INO80D: variants seen among roughly 807,000 people sequenced by gnomAD.
INO80D encodes INO80 complex subunit D.
In INO80D, 21 loss-of-function variants were observed where a neutral mutation model predicts 87.6. The observed-to-expected ratio is 0.24, with a 90% CI of 0.17 to 0.35. The LOEUF (loss-of-function observed/expected upper bound fraction) is 0.35. Among genes scored for constraint, INO80D ranks in the 10% least tolerant of loss-of-function variants. INO80D has a pLI of 1.00. For missense variants in INO80D, 982 were observed against 1,280.7 expected (o/e 0.77, Z 3.56); for synonymous variants, 440 against 491.0 (o/e 0.90, Z 1.37).
chr2:206,013,584 A>C (rs1319352780), intron 8 of INO80D, among the ~76,000 whole-genome samples: 1 of 152,068 alleles, frequency 6.6e-6, no homozygotes, highest in East Asian at 1.9e-4. Context: ...TAGGAACCAA[A>C]AATTCATTCA....
chr2:206,062,909 A>G lies in INO80D; in HGVS notation c.108T>C (p.Cys36=). The G allele has an allele frequency of 6.2e-7, 1 of 1,613,360 alleles. No individual in the cohort carries two copies. Among genetic ancestry groups the G allele is most frequent in the Middle Eastern group, 1.7e-4 (1 of 6,058 alleles). ...KQRRLNGYAF[C]IRHVLEDKTA... ...TCTTGTCCTCCAGAACGTGTCTGAT[A>G]CAGAAGGCGTAGCCGTTGAGTCGCC... Residue 36 remains cysteine, a synonymous_variant, in exon 3 of 11, where the codon TGT becomes TGC. Transcript: ENST00000403263. The surrounding 1 kb of genome is among the most constrained non-coding windows in gnomAD (Gnocchi z 4.6).
chr2:206,009,397 A>T (rs1688110025), intron 9 of INO80D, among the ~76,000 whole-genome samples, 180 bp downstream of exon 9: 1 of 152,252 alleles, frequency 6.6e-6, no homozygotes, highest in African/African-American at 2.4e-5. Flanking sequence ...GCTTAATTTT[A>T]GATCAAATAC....
intron 8 of INO80D, among the ~76,000 whole-genome samples, chr2:206,010,251 AC>A (rs958640700): frequency 4.7e-4 from 71 of 151,808 alleles, no homozygotes; most frequent in African/African-American, 1.7e-3. Context: ...TTACTGAAGA[AC>A]CGACCACAAT....
chr2:205,999,750 T>C lies in INO80D; in HGVS notation c.*4618A>G, dbSNP rs1324611108. ...GCTTAACAGATATCCAAACATGTCC[T>C]TCACTGGTATTTTATTACAAATTAT... On this transcript the variant is annotated 3_prime_UTR_variant, in exon 11 of 11. Transcript: ENST00000403263. 6.6e-6 allele frequency: 1 copy of C among 152,226 alleles called. No individual in the cohort carries two copies. Among genetic ancestry groups the C allele is most frequent in the Non-Finnish European group, 1.5e-5 (1 of 68,040 alleles). 9.4% of individuals were successfully genotyped at this position (152,226 alleles called of 1,614,324 possible).
chr2:206,048,615 C>G (rs1689262437), intron 4 of INO80D, among the ~76,000 whole-genome samples: 1 of 152,148 alleles, frequency 6.6e-6, no homozygotes, highest in Non-Finnish European at 1.5e-5. Flanking sequence ...GTATCTTGGC[C>G]AGGTGCACCG....
chr2:206,017,836 T>C, intron 7 of INO80D, 23 bp from the exon 8 acceptor site: 2 of 1,577,090 alleles, frequency 1.3e-6, no homozygotes, highest in South Asian at 2.4e-5. Context: ...AAGTTAGGAG[T>C]AAAATACACT....
rs558781157 is a variant in INO80D at position 206,003,440 on chromosome 2, T to G, written c.*928A>C. The G allele has an allele frequency of 6.6e-6, 1 of 152,336 alleles. No homozygotes were observed. The highest frequency in any genetic ancestry group is 1.9e-4 in the East Asian group (1 of 5,184). The allele number at this position is 152,336 out of a possible 1,614,324, so 9.4% of individuals were successfully genotyped here. A position where few individuals can be genotyped will look rare whatever the true frequency, so the allele number is the denominator to read the frequency against. On this transcript the variant is annotated 3_prime_UTR_variant, in exon 11 of 11. Coordinates refer to ENST00000403263, the MANE Select transcript of INO80D (RefSeq NM_017759.5). ...AGGGATTTAGAAACAAACAAATGTC[T>G]GAAAAGACAAAGTGACCATCAGGCC...
At position 206,020,952 on chromosome 2, in the gene INO80D, G is replaced by A. The variant is rs190134871; in HGVS notation, c.1299-1107C>T. ...AGGGCTCCCAAAATCAAAAAGGATC[G>A]CTTGAGCCCAGGAGTTTGAGACCAG... is the stretch of plus-strand genomic sequence containing the variant. On this transcript the variant is annotated intron_variant, in intron 6 of 10. Coordinates refer to ENST00000403263, the MANE Select transcript of INO80D (RefSeq NM_017759.5). Among the ~76,000 whole-genome samples the A allele has an allele frequency of 2.6e-4, 39 of 152,006 alleles. 2 individuals carry two copies. The highest frequency in any genetic ancestry group is 6.6e-5 in the Admixed American group (1 of 15,252).
intron 1 of INO80D, among the ~76,000 whole-genome samples, chr2:206,076,219 T>A (rs1158092096): frequency 6.6e-6 from 1 of 152,106 alleles, no homozygotes; most frequent in Admixed American, 6.6e-5. Flanking sequence ...AAAACTAACA[T>A]GAGCCTACTA....
chr2:206,004,169 A>C lies in INO80D; in HGVS notation c.*199T>G. 7 of 593,254 alleles carry C rather than the reference A, an allele frequency of 1.2e-5. No homozygotes were observed. The highest frequency in any genetic ancestry group is 2.1e-5 in the Non-Finnish European group (7 of 335,672). 36.7% of individuals were successfully genotyped at this position (593,254 alleles called of 1,614,324 possible). On this transcript the variant is annotated 3_prime_UTR_variant, in exon 11 of 11. Coordinates refer to ENST00000403263, the MANE Select transcript of INO80D (RefSeq NM_017759.5). This position sits in a 1 kb window ranked among gnomAD's most constrained non-coding sequence, Gnocchi z 4.9. The stretch of plus-strand genomic sequence containing the variant: ...GGCGGAGTGGGCCTGCCAGGAGGGA[A>C]TGAGCACCAGTGCTAAGGAGCACAT...
Position 206,007,423 on chromosome 2 carries a change from C to G in INO80D, c.1779G>C (p.Glu593Asp). 5 of 1,611,926 alleles carry G rather than the reference C, an allele frequency of 3.1e-6. No individual in the cohort carries two copies. The highest frequency in any genetic ancestry group is 4.2e-6 in the Non-Finnish European group (5 of 1,179,244). Residue 593 changes from glutamate (E) to aspartate (D), a missense_variant, in exon 10 of 11, where the codon GAG becomes GAC. Glu to Asp is a conservative substitution (Grantham distance 45). Coordinates refer to ENST00000403263, the MANE Select transcript of INO80D (RefSeq NM_017759.5). ...CATCCGGCAACTCATCAGCACTCAG[C>G]TCTGGCGTGGATGGGCTCCTGGGAA... is the stretch of plus-strand genomic sequence containing the variant. ...ASHIRSPSTP[E>D]LSADELPDDI... is the part of the protein sequence containing the mutation.
At chr2:206,084,400 T>G (rs1186840785) in intron 1 of INO80D, among the ~76,000 whole-genome samples, 1 of 152,128 alleles carries the variant, frequency 6.6e-6, no homozygotes, top group Non-Finnish European at 1.5e-5. Context: ...AATACAAGAA[T>G]GTCACATAAA....
chr2:206,000,357 T>C lies in INO80D; in HGVS notation c.*4011A>G, dbSNP rs1024501226. ...GGAGATTGCCTTACACGTGCACTGC[T>C]GACCGATGATGCCCACTGACCATCA... On this transcript the variant is annotated 3_prime_UTR_variant, in exon 11 of 11. Coordinates refer to ENST00000403263, the MANE Select transcript of INO80D (RefSeq NM_017759.5). 5.9e-5 allele frequency: 9 copies of C among 151,562 alleles called. No homozygotes were observed. Among genetic ancestry groups the C allele is most frequent in the Non-Finnish European group, 8.8e-5 (6 of 67,976 alleles). The allele number at this position is 151,562 out of a possible 1,614,324, so 9.4% of individuals were successfully genotyped here.
At chr2:206,064,057 C>T (rs1689752770) in intron 1 of INO80D, among the ~76,000 whole-genome samples, 1 of 152,176 alleles carries the variant, frequency 6.6e-6, no homozygotes, top group South Asian at 2.1e-4. Context: ...TATTTCCCCA[C>T]ACCTATCCCA....
chr2:206,035,322 C>T (rs1688863961), intron 5 of INO80D, among the ~76,000 whole-genome samples: 1 of 152,116 alleles, frequency 6.6e-6, no homozygotes, highest in African/African-American at 2.4e-5. Flanking sequence ...GGAGGCAACA[C>T]ACTACCTGAT....
intron 4 of INO80D, among the ~76,000 whole-genome samples, chr2:206,051,992 T>C (rs760344808): frequency 7.2e-5 from 11 of 152,200 alleles, no homozygotes; most frequent in Non-Finnish European, 1.5e-4. Flanking sequence ...TAAAGGAGTT[T>C]TATTTGAGAA....
chr2:206,037,668 C>G (rs1688927147), intron 5 of INO80D, among the ~76,000 whole-genome samples: 1 of 152,098 alleles, frequency 6.6e-6, no homozygotes, highest in African/African-American at 2.4e-5. Flanking sequence ...AAAGATTTCT[C>G]AAAGAAGTAA....
intron 4 of INO80D, among the ~76,000 whole-genome samples, chr2:206,048,013 G>A (rs887193051): frequency 1.9e-4 from 29 of 151,944 alleles, no homozygotes; most frequent in Non-Finnish European, 3.4e-4. Context: ...ACCGCGCCTG[G>A]CTAATTTTTT....
chr2:206,064,505 C>T lies in INO80D; in HGVS notation c.-123-1261G>A, dbSNP rs564342383. ...TAAATGCTGGAGGTGTCAGAAGACACGGTTGTTCAAGTCCAAAATCTGCCA... is the reference window on the plus strand; with the variant it reads ...TAAATGCTGGAGGTGTCAGAAGACATGGTTGTTCAAGTCCAAAATCTGCCA... On this transcript the variant is annotated intron_variant, in intron 1 of 10. Coordinates refer to ENST00000403263, the MANE Select transcript of INO80D (RefSeq NM_017759.5). 9.8e-5 allele frequency among the ~76,000 whole-genome samples: 15 copies of T among 152,290 alleles called. No homozygotes were observed. In the South Asian group the frequency reaches 2.5e-3, roughly 25 times the overall value.
Sources: gnomAD v4.1 joint callset for allele counts (sites outside exome capture counted in the v4.1 genomes callset) on GRCh38, gnomAD v4.1.1 for gene constraint, Gnocchi (gnomAD v3.1) non-coding constraint, MANE v1.5 for transcripts, NCBI Gene and HGNC (gene_info 2026-07-23, HGNC 2026-07-21) for gene names.